Variants in GPBP1L1 observed in about 807,000 individuals in gnomAD.
The protein encoded by GPBP1L1 is GC-rich promoter binding protein 1 like 1.
In GPBP1L1, 23 loss-of-function variants were observed where a neutral mutation model predicts 52.5. The observed-to-expected ratio is 0.44, with a 90% confidence interval of 0.32 to 0.62. GPBP1L1 has a LOEUF of 0.62. Among genes scored for constraint, GPBP1L1 ranks in the 20% least tolerant of loss-of-function variants. GPBP1L1 has a pLI of 0.06. For missense variants in GPBP1L1, 596 were observed against 579.3 expected, an observed-to-expected ratio of 1.03 and a Z score of -0.30; for synonymous variants, 243 against 203.1, an observed-to-expected ratio of 1.20 and a Z score of -1.67.
intron 5 of GPBP1L1, 107 bp downstream of exon 5, chr1:45,655,083 T>G (rs1644868650): frequency 2.8e-6 from 4 of 1,404,530 alleles, no homozygotes; most frequent in Non-Finnish European, 4.0e-6. Flanking sequence ...AAATGAAAAC[T>G]ATGTTCAGAA....
At position 45,628,068 on chromosome 1, in the gene GPBP1L1, A is replaced by G. The variant is rs1644480185; in HGVS notation, c.*188T>C. 3 of 605,856 alleles carry G rather than the reference A, an allele frequency of 5.0e-6. No individual in the cohort carries two copies. Among genetic ancestry groups the G allele is most frequent in the Non-Finnish European group, 5.8e-6 (2 of 346,542 alleles). 37.5% of individuals were successfully genotyped at this position (605,856 alleles called of 1,614,324 possible). On this transcript the variant is annotated 3_prime_UTR_variant, in exon 13 of 13. Transcript: ENST00000355105. ...CCCACCACACAAACTTCTCTCTATA[A>G]AGCAGATAACAGGGAAGAACAATAA...
intron 8 of GPBP1L1, 168 bp from the exon 9 acceptor site, chr1:45,634,404 T>C: frequency 1.7e-6 from 1 of 581,480 alleles, no homozygotes. Context: ...GGTTAGGCAC[T>C]TCAAGGAAAA....
chr1:45,647,272 G>A (rs1392517133), intron 6 of GPBP1L1, among the ~76,000 whole-genome samples: 6 of 150,012 alleles, frequency 4.0e-5, no homozygotes, highest in Non-Finnish European at 8.8e-5. Flanking sequence ...CCGGGTTTAC[G>A]TTCTTTAATG....
intron 2 of GPBP1L1, among the ~76,000 whole-genome samples, chr1:45,665,000 G>A (rs1239797019): frequency 6.6e-6 from 1 of 151,434 alleles, no homozygotes; most frequent in Non-Finnish European, 1.5e-5. Flanking sequence ...TAAAAAAGAT[G>A]AAAGATGGCC....
chr1:45,652,978 A>G (rs1021638372), intron 6 of GPBP1L1, among the ~76,000 whole-genome samples: 1 of 152,240 alleles, frequency 6.6e-6, no homozygotes, highest in South Asian at 2.1e-4. Context: ...AAATTGTAGT[A>G]ATTTCTGGAC....
chr1:45,658,253 C>T (rs1644907146), intron 4 of GPBP1L1, among the ~76,000 whole-genome samples: 1 of 152,144 alleles, frequency 6.6e-6, no homozygotes, highest in African/African-American at 2.4e-5. Context: ...ACAATCACTG[C>T]CTCTACCTTT....
At chr1:45,658,635 A>C (rs1365331893) in intron 4 of GPBP1L1, 1 of 191,156 alleles carries the variant, frequency 5.2e-6, no homozygotes, top group Non-Finnish European at 1.1e-5. Context: ...TATATTAAAA[A>C]ACATCAAGAC....
At chr1:45,659,885 G>A (rs908131118) in intron 3 of GPBP1L1, among the ~76,000 whole-genome samples, 2 of 152,154 alleles carry the variant, frequency 1.3e-5, no homozygotes, top group African/African-American at 4.8e-5. Context: ...AGGCTGCAGT[G>A]AGCTGAGATT....
intron 2 of GPBP1L1, among the ~76,000 whole-genome samples, chr1:45,680,693 T>C (rs943874279): frequency 1.3e-5 from 2 of 152,168 alleles, no homozygotes; most frequent in Non-Finnish European, 2.9e-5. Flanking sequence ...CTGTGTGACT[T>C]TGAATAAGTT....
chr1:45,637,261 AAATG>A (rs1228440587), intron 8 of GPBP1L1, among the ~76,000 whole-genome samples: 18 of 152,224 alleles, frequency 1.2e-4, no homozygotes, highest in Non-Finnish European at 2.2e-4. Context: ...TGTTTAGATA[AAATG>A]AATGGATAAA....
chr1:45,637,543 G>GTTTTTTTTTTTTTTT (rs1553179402), intron 8 of GPBP1L1, among the ~76,000 whole-genome samples: 28 of 98,658 alleles, frequency 2.8e-4, no homozygotes, highest in Non-Finnish European at 3.9e-4. Context: ...CTTTATATTA[G>GTTTTTTTTTTTTTTT]TTTTCCAATC....
At chr1:45,673,733 A>G (rs1308673627) in intron 2 of GPBP1L1, among the ~76,000 whole-genome samples, 3 of 152,148 alleles carry the variant, frequency 2.0e-5, no homozygotes, top group African/African-American at 7.2e-5. Context: ...GTAATGGCAC[A>G]TGCCTGTAAT....
At chr1:45,631,899 G>A (rs1644535586) in intron 10 of GPBP1L1, among the ~76,000 whole-genome samples, 1 of 152,028 alleles carries the variant, frequency 6.6e-6, no homozygotes, top group African/African-American at 2.4e-5. Context: ...ATTCAGCCTG[G>A]GCGACAGAGT....
At chr1:45,683,328 C>A (rs1192968990) in intron 2 of GPBP1L1, among the ~76,000 whole-genome samples, 1 of 149,192 alleles carries the variant, frequency 6.7e-6, no homozygotes, top group Non-Finnish European at 1.5e-5. Context: ...GCCTCAGCCT[C>A]CCGAGTAGCT....
At chr1:45,665,094 G>A in intron 2 of GPBP1L1, among the ~76,000 whole-genome samples, 1 of 152,024 alleles carries the variant, frequency 6.6e-6, no homozygotes, top group Non-Finnish European at 1.5e-5. Context: ...TTCGAGACCA[G>A]CCTGGCCAAT....
intron 3 of GPBP1L1, among the ~76,000 whole-genome samples, chr1:45,659,457 CAA>C (rs1644921764): frequency 6.6e-6 from 1 of 152,164 alleles, no homozygotes; most frequent in African/African-American, 2.4e-5. Flanking sequence ...TTCAGCCTCG[CAA>C]AGTGTTGGGA....
intron 2 of GPBP1L1, among the ~76,000 whole-genome samples, chr1:45,676,703 T>C (rs1645143349): frequency 8.1e-6 from 1 of 124,166 alleles, no homozygotes. Context: ...AGAGCGAAAC[T>C]CTGTCTCAAA....
chr1:45,639,523 T>C (rs1644641115), intron 8 of GPBP1L1, among the ~76,000 whole-genome samples: 1 of 134,716 alleles, frequency 7.4e-6, no homozygotes, highest in Non-Finnish European at 1.6e-5. Context: ...GGCCAGGAGA[T>C]AGAGACCAGC....
At chr1:45,646,914 G>A (rs1363050451) in intron 6 of GPBP1L1, among the ~76,000 whole-genome samples, 1 of 151,922 alleles carries the variant, frequency 6.6e-6, no homozygotes, top group Non-Finnish European at 1.5e-5. Context: ...GGCGGGGTGG[G>A]AAGATCCTAT....
Sources: allele counts gnomAD v4.1 joint callset (sites outside exome capture counted in the v4.1 genomes callset), GRCh38; gene constraint gnomAD v4.1.1; transcripts MANE v1.5; gene names NCBI Gene and HGNC (gene_info 2026-07-23, HGNC 2026-07-21).